Variants in SNX27 observed in about 807,000 individuals in gnomAD.
The protein encoded by SNX27 is sorting nexin 27.
SNX27 carries 22 observed loss-of-function variants against 71.6 expected under a neutral mutation model. That is an observed-to-expected ratio of 0.31 (90% CI 0.22 to 0.44). The LOEUF is 0.44. SNX27 is among the 20% of genes least tolerant of loss of function. The probability of loss-of-function intolerance (pLI) is 1.00; values close to 1 mark genes in which losing one functional copy is unlikely to be tolerated. For missense variants in SNX27, 531 were observed against 698.6 expected (o/e 0.76, Z 2.70); for synonymous variants, 269 against 277.2 (o/e 0.97, Z 0.29).
chr1:151,631,815 C>T (rs77401193), intron 1 of SNX27, among the ~76,000 whole-genome samples: 108 of 152,138 alleles, frequency 7.1e-4, no homozygotes, highest in African/African-American at 2.4e-3. Flanking sequence ...TGGGACAATA[C>T]GTGTGCACCA....
Position 151,617,479 on chromosome 1 carries a change from A to G in SNX27, c.311+4967A>G, listed in dbSNP as rs1333777554. 2.6e-5 allele frequency among the ~76,000 whole-genome samples: 4 copies of G among 152,008 alleles called. No homozygotes were observed. In the East Asian group the frequency reaches 7.7e-4, roughly 29 times the overall value. ...TTTTTAGTAGAGACGGGGTTTCTCC[A>G]TGTTGGTCAGGCCAGGCTGGTCTCA... On this transcript the variant is annotated intron_variant, in intron 1 of 11. Transcript: ENST00000458013.
At chr1:151,677,425 G>A (rs968906392) in intron 7 of SNX27, 23 of 152,124 alleles carry the variant, frequency 1.5e-4, no homozygotes, top group Admixed American at 3.3e-4. Flanking sequence ...AAAATCATTA[G>A]CTAGGAGTCA....
chr1:151,645,320 G>A (rs1474575567), intron 2 of SNX27, among the ~76,000 whole-genome samples: 1 of 152,156 alleles, frequency 6.6e-6, no homozygotes, highest in Non-Finnish European at 1.5e-5. Flanking sequence ...TCTGTTAAAT[G>A]TCTTTTCCCT....
At chr1:151,643,097 T>C (rs2102642763) in intron 2 of SNX27, among the ~76,000 whole-genome samples, 1 of 151,940 alleles carries the variant, frequency 6.6e-6, no homozygotes, top group East Asian at 1.9e-4. Flanking sequence ...CTAGAGTAGC[T>C]GGGATTACAG....
intron 1 of SNX27, chr1:151,615,630 A>T: frequency 1.1e-6 from 1 of 936,640 alleles, no homozygotes; most frequent in East Asian, 1.2e-4. Context: ...GGTCAGAATT[A>T]GGGATAGGTG....
intron 6 of SNX27, 105 bp from the exon 7 acceptor site, chr1:151,668,367 T>C: frequency 9.7e-7 from 1 of 1,035,212 alleles, no homozygotes; most frequent in Non-Finnish European, 1.4e-6. Flanking sequence ...GATGATGTTC[T>C]GGTTAATGAT....
intron 2 of SNX27, among the ~76,000 whole-genome samples, chr1:151,647,981 A>G (rs1473291185): frequency 6.6e-6 from 1 of 151,720 alleles, no homozygotes; most frequent in Non-Finnish European, 1.5e-5. Flanking sequence ...AAATTTGTGC[A>G]TTTAAGAAGT....
chr1:151,662,117 G>A, intron 4 of SNX27, 49 bp from the exon 5 acceptor site: 1 of 1,318,520 alleles, frequency 7.6e-7, no homozygotes. Context: ...TACAGGGAGA[G>A]TGAAGATATA....
intron 2 of SNX27, among the ~76,000 whole-genome samples, chr1:151,654,975 A>T (rs1191969082): frequency 2.6e-5 from 4 of 152,024 alleles, no homozygotes; most frequent in Non-Finnish European, 5.9e-5. Flanking sequence ...CTACTGACTA[A>T]TTTTTATCCT....
At chr1:151,624,802 G>A (rs1367361061) in intron 1 of SNX27, among the ~76,000 whole-genome samples, 2 of 151,676 alleles carry the variant, frequency 1.3e-5, no homozygotes, top group Non-Finnish European at 2.9e-5. Context: ...TTTTTTCTCT[G>A]AATGACAAGT....
rs541902638 is a variant in SNX27 at position 151,647,989 on chromosome 1, A to C, written c.543+8870A>C. ...AAAAAATAAATTTGTGCATTTAAGAAGTTAAAAAAAAAAACAACAAAAAAA... is the reference window on the plus strand; with the variant it reads ...AAAAAATAAATTTGTGCATTTAAGACGTTAAAAAAAAAAACAACAAAAAAA... On this transcript the variant is annotated intron_variant, in intron 2 of 11. Transcript: ENST00000458013. Among the ~76,000 whole-genome samples the C allele has an allele frequency of 2.3e-4, 35 of 151,706 alleles. No homozygotes were observed. In the South Asian group the frequency reaches 7.0e-3, roughly 31 times the overall value.
rs369005846 is a variant in SNX27, at chr1:151,639,139, G to T, written c.543+20G>T. On this transcript the variant is annotated intron_variant, in intron 2 of 11. Coordinates refer to ENST00000458013, the MANE Select transcript of SNX27 (RefSeq NM_001330723.2). ...TTTGTGGTGAGTGTCAGCCCAACTC[G>T]ATCCTCGAACATCTAGCTTTGTTTC... 6 of 1,591,944 alleles carry T rather than the reference G, an allele frequency of 3.8e-6. No individual in the cohort carries two copies. The African/African-American group carries it at 5.4e-5, about 14-fold the overall frequency.
At chr1:151,645,220 CTA>C (rs1430236155) in intron 2 of SNX27, among the ~76,000 whole-genome samples, 2 of 152,158 alleles carry the variant, frequency 1.3e-5, no homozygotes, top group Admixed American at 6.5e-5. Context: ...AATCAATTGA[CTA>C]TGTGTGGTTC....
intron 1 of SNX27, among the ~76,000 whole-genome samples, chr1:151,617,912 G>A (rs1192920146): frequency 1.5e-5 from 2 of 137,148 alleles, no homozygotes; most frequent in African/African-American, 5.4e-5. Flanking sequence ...AAAGAGATAG[G>A]AGTCTCACTA....
chr1:151,681,865 A>G (rs1670982295), intron 7 of SNX27, among the ~76,000 whole-genome samples: 1 of 151,716 alleles, frequency 6.6e-6, no homozygotes, highest in African/African-American at 2.4e-5. Flanking sequence ...TATTTAAATC[A>G]GGCAAATCTG....
At chr1:151,637,790 T>G (rs1260264327) in intron 1 of SNX27, among the ~76,000 whole-genome samples, 1 of 152,260 alleles carries the variant, frequency 6.6e-6, no homozygotes, top group Non-Finnish European at 1.5e-5. Flanking sequence ...TATGGAAGGC[T>G]TGTTACTAAA....
rs1035538892 is a variant in SNX27 at position 151,658,237 on chromosome 1, A to G, written c.546A>G (p.Val182=). The G allele has an allele frequency of 3.0e-5, 48 of 1,604,276 alleles. No individual in the cohort carries two copies. The highest frequency in any genetic ancestry group is 3.7e-5 in the Non-Finnish European group (43 of 1,176,790). The change falls in exon 3 of 12, where the codon GTA becomes GTG. Residue 182 remains valine (V), a splice_region_variant and synonymous_variant. Transcript: ENST00000458013. The stretch of plus-strand genomic sequence containing the variant: ...CTTTTGTTCTTCTCCTTCACCAGGT[A>G]TATAATGTTTACATGGCAGGGAGGC... The part of the protein sequence containing the change: ...HVEQNGEKFV[V]YNVYMAGRQL...
intron 1 of SNX27, among the ~76,000 whole-genome samples, chr1:151,631,552 T>A (rs1668235665): frequency 6.6e-6 from 1 of 152,262 alleles, no homozygotes. Flanking sequence ...TAAATATTTT[T>A]AAGATGTTTA....
chr1:151,663,602 T>C (rs368134537), intron 5 of SNX27, among the ~76,000 whole-genome samples: 1 of 152,214 alleles, frequency 6.6e-6, no homozygotes, highest in South Asian at 2.1e-4. Context: ...GTGGTGTCAT[T>C]TAATAATGTC....
Sources: allele counts gnomAD v4.1 joint callset (sites outside exome capture counted in the v4.1 genomes callset), GRCh38; gene constraint gnomAD v4.1.1; transcripts MANE v1.5; gene names NCBI Gene and HGNC (gene_info 2026-07-23, HGNC 2026-07-21).